The following SORBS2 variants were observed in gnomAD, a reference collection of about 807,000 sequenced individuals.
SORBS2 encodes sorbin and SH3 domain containing 2, also known as sorbin and SH3 domain-containing protein 2.
In SORBS2, 46 loss-of-function variants were observed where a neutral mutation model predicts 97.7. The ratio of observed to expected loss-of-function variants is 0.47; its 90% CI spans 0.37 to 0.60. The LOEUF (loss-of-function observed/expected upper bound fraction) is 0.60. Among genes scored for constraint, SORBS2 ranks in the 20% least tolerant of loss-of-function variants. SORBS2 has a pLI of 0.00. For missense variants in SORBS2, 1,316 were observed against 1,282.3 expected (o/e 1.03, Z -0.40); for synonymous variants, 476 against 473.4 (o/e 1.01, Z -0.07).
At chr4:185,601,967 A>G (rs1029050456) in intron 12 of SORBS2, among the ~76,000 whole-genome samples, 1 of 152,222 alleles carries the variant, frequency 6.6e-6, no homozygotes, top group African/African-American at 2.4e-5. Flanking sequence ...CTTGCAAAAT[A>G]GTCTCTCGGA....
At chr4:185,666,418 G>A (rs1582228569) in intron 4 of SORBS2, among the ~76,000 whole-genome samples, 1 of 152,242 alleles carries the variant, frequency 6.6e-6, no homozygotes, top group South Asian at 2.1e-4. Flanking sequence ...AAACAAGGCC[G>A]GTTTTCACAC....
Position 185,606,894 on chromosome 4 carries a change from G to T in SORBS2, c.2796+4886C>A, listed in dbSNP as rs922141370. The stretch of plus-strand genomic sequence containing the variant: ...CAGAGGCCACAAAATTATCCCCTAG[G>T]ACTTCTGGTGCCTTTTTAGGGTCTG... On this transcript the variant is annotated intron_variant, in intron 12 of 14. Transcript: ENST00000418609. The surrounding 1 kb of genome is among the most constrained non-coding windows in gnomAD (Gnocchi z 4.3). 1.9e-5 allele frequency: 19 copies of T among 988,644 alleles called. No homozygotes were observed. The highest frequency in any genetic ancestry group is 2.3e-5 in the Non-Finnish European group (19 of 831,678). The allele number at this position is 988,644 out of a possible 1,614,324, so 61.2% of individuals were successfully genotyped here.
At position 185,758,358 on chromosome 4, in the gene SORBS2, C is replaced by T. The variant is rs565698702; in HGVS notation, c.-198+16869G>A. On this transcript the variant is annotated intron_variant, in intron 2 of 20. Transcript: ENST00000284776. ...CTCCCCCTCTGACATAGTTTCTTCTCTTGGCTGTCAGCACACTGTGCCCGC... is the reference window on the plus strand; with the variant it reads ...CTCCCCCTCTGACATAGTTTCTTCTTTTGGCTGTCAGCACACTGTGCCCGC... Among the ~76,000 whole-genome samples the T allele has an allele frequency of 7.9e-5, 12 of 152,312 alleles. No homozygotes were observed. The South Asian group carries it at 2.3e-3, about 29-fold the overall frequency.
chr4:185,781,775 G>A lies in SORBS2; in HGVS notation c.-337-6409C>T, dbSNP rs1048187436. ...CCTGGCTTGCCTGGCTCAATGTGATGGGAATGCCTTCCCTGCCCAGTGGCG... is the reference window on the plus strand; with the variant it reads ...CCTGGCTTGCCTGGCTCAATGTGATAGGAATGCCTTCCCTGCCCAGTGGCG... On this transcript the variant is annotated intron_variant, in intron 1 of 20. Transcript: ENST00000284776. Among the ~76,000 whole-genome samples, 38 of 152,252 alleles carry A rather than the reference G, an allele frequency of 2.5e-4. 1 individual carries two copies. Among genetic ancestry groups the A allele is most frequent in the African/African-American group, 8.7e-4 (36 of 41,464 alleles).
At chr4:185,645,825 T>C (rs566483253) in intron 4 of SORBS2, 2 of 152,056 alleles carry the variant, frequency 1.3e-5, no homozygotes, top group Non-Finnish European at 2.9e-5. Flanking sequence ...TCAAAGAAAA[T>C]CCTGAGGACA....
chr4:185,671,490 A>C (rs575164508), intron 4 of SORBS2, among the ~76,000 whole-genome samples: 4 of 152,286 alleles, frequency 2.6e-5, no homozygotes, highest in Non-Finnish European at 4.4e-5. Flanking sequence ...TGTAAAATAT[A>C]GGCATGGATA....
chr4:185,913,987 G>C (rs1447097909), intron 1 of SORBS2, among the ~76,000 whole-genome samples: 2 of 152,108 alleles, frequency 1.3e-5, no homozygotes, highest in Non-Finnish European at 2.9e-5. Flanking sequence ...GGGTTTCAGA[G>C]CACAAACCTT....
chr4:185,869,972 A>C (rs1374740488), intron 1 of SORBS2, among the ~76,000 whole-genome samples: 1 of 152,250 alleles, frequency 6.6e-6, no homozygotes, highest in Non-Finnish European at 1.5e-5. Flanking sequence ...TTATGTATAT[A>C]AGTTTAAAGA....
In SORBS2 at chr4:185,623,823, A is replaced by G; in HGVS notation, c.1306T>C (p.Ser436Pro). The G allele has an allele frequency of 6.2e-7, 1 of 1,614,110 alleles. No individual in the cohort carries two copies. Among genetic ancestry groups the G allele is most frequent in the Non-Finnish European group, 8.5e-7 (1 of 1,179,996 alleles). Residue 436 changes from serine (S) to proline (P), a missense_variant, in exon 7 of 15, where the codon TCT becomes CCT. By Grantham distance (74) the Ser-to-Pro change is moderately conservative. Coordinates refer to ENST00000418609, the Ensembl canonical transcript of SORBS2. This position sits in a 1 kb window ranked among gnomAD's most constrained non-coding sequence, Gnocchi z 6.4. ...TGCGGTGGTTCTAGGGTTACGGGAGACAGCATGTCATCCCCTAAATTTGGC... is the reference window on the plus strand; with the variant it reads ...TGCGGTGGTTCTAGGGTTACGGGAGGCAGCATGTCATCCCCTAAATTTGGC...
chr4:185,859,941 A>G (rs948878136), intron 1 of SORBS2, among the ~76,000 whole-genome samples: 3 of 152,244 alleles, frequency 2.0e-5, no homozygotes, highest in African/African-American at 7.2e-5. Flanking sequence ...GTAAGTAAAC[A>G]TGACACTAAG....
chr4:185,881,559 C>T (rs1264468029), intron 1 of SORBS2, among the ~76,000 whole-genome samples: 8 of 152,242 alleles, frequency 5.3e-5, no homozygotes, highest in African/African-American at 1.9e-4. Context: ...CCATAAATCT[C>T]TAGAGAATTC....
At chr4:185,667,696 ATATATATATACG>A (rs1218852156) in intron 4 of SORBS2, among the ~76,000 whole-genome samples, 1 of 6,074 alleles carries the variant, frequency 1.6e-4, no homozygotes, top group Non-Finnish European at 0.011. Flanking sequence ...TGATATATAT[ATATATATATACG>A]TATATATATA....
intron 2 of SORBS2, among the ~76,000 whole-genome samples, chr4:185,682,877 G>T (rs563218436): frequency 6.6e-6 from 1 of 151,996 alleles, no homozygotes; most frequent in Non-Finnish European, 1.5e-5. Flanking sequence ...AGCCAGGCAT[G>T]GTGGCAGGCA....
In SORBS2 at chr4:185,640,588, C is replaced by T. The variant is rs185694799; in HGVS notation, c.396+6080G>A. Among the ~76,000 whole-genome samples, 20 of 152,194 alleles carry T rather than the reference C, an allele frequency of 1.3e-4. No homozygotes were observed. In the East Asian group the frequency reaches 3.9e-3, roughly 29 times the overall value. On this transcript the variant is annotated intron_variant, in intron 4 of 14. Coordinates refer to ENST00000418609, the Ensembl canonical transcript of SORBS2. ...TGGTAGAGACAAAATATTCTAGTAA[C>T]CAATTTGCTATTTTCTGTTGAATTT...
intron 6 of SORBS2, among the ~76,000 whole-genome samples, chr4:185,626,157 T>C (rs556132784): frequency 9.2e-5 from 14 of 152,306 alleles, no homozygotes; most frequent in African/African-American, 2.9e-4. Flanking sequence ...GTGAGCTCCC[T>C]ACACTTGCAG....
chr4:185,634,569 T>A (rs1332602354), intron 4 of SORBS2, among the ~76,000 whole-genome samples: 2 of 152,032 alleles, frequency 1.3e-5, no homozygotes, highest in African/African-American at 4.8e-5. Context: ...ATTTTCTGCT[T>A]TTCTTTGCAG....
intron 1 of SORBS2, among the ~76,000 whole-genome samples, chr4:185,850,361 A>G (rs2099217158): frequency 6.6e-6 from 1 of 152,170 alleles, no homozygotes. Context: ...CTTGTCCCAT[A>G]TGTCGAGAGT....
chr4:185,788,328 T>G (rs758431873), intron 1 of SORBS2, among the ~76,000 whole-genome samples: 4 of 152,132 alleles, frequency 2.6e-5, no homozygotes, highest in Non-Finnish European at 5.9e-5. Flanking sequence ...AAGAATGGAT[T>G]CAGCGGGGGA....
At chr4:185,596,899 C>G (rs2153370827) in intron 12 of SORBS2, among the ~76,000 whole-genome samples, 1 of 152,204 alleles carries the variant, frequency 6.6e-6, no homozygotes, top group South Asian at 2.1e-4. Flanking sequence ...CAAACCCTGC[C>G]CCTCTTTTTA....
Sources: gnomAD v4.1 joint callset for allele counts (sites outside exome capture counted in the v4.1 genomes callset) on GRCh38, gnomAD v4.1.1 for gene constraint, Gnocchi (gnomAD v3.1) non-coding constraint, MANE v1.5 for transcripts, NCBI Gene and HGNC (gene_info 2026-07-23, HGNC 2026-07-21) for gene names.